The following PDE4B variants were observed in gnomAD, a reference collection of about 807,000 sequenced individuals.
PDE4B encodes the protein 3',5'-cyclic-AMP phosphodiesterase 4B.
A neutral mutation model predicts 82.2 loss-of-function variants in PDE4B; 20 were observed. The observed-to-expected ratio is 0.24, with a 90% CI of 0.17 to 0.35. The LOEUF is 0.35. PDE4B is among the 10% of genes least tolerant of loss of function. The probability of loss-of-function intolerance (pLI) is 1.00; values close to 1 mark genes in which losing one functional copy is unlikely to be tolerated. For synonymous variants in PDE4B, 320 were observed against 318.9 expected, an observed-to-expected ratio of 1.00 and a Z score of -0.04; for missense variants, 655 against 907.2, an observed-to-expected ratio of 0.72 and a Z score of 3.57.
At chr1:66,138,587 A>G (rs1347527188) in intron 3 of PDE4B, among the ~76,000 whole-genome samples, 1 of 152,194 alleles carries the variant, frequency 6.6e-6, no homozygotes, top group Non-Finnish European at 1.5e-5. Context: ...ATGACTAGGC[A>G]TTTAGAGATA....
intron 8 of PDE4B, chr1:66,355,073 C>G (rs1374811221): frequency 1.9e-6 from 1 of 535,086 alleles, no homozygotes; most frequent in African/African-American, 1.9e-5. Context: ...GTGTACTATG[C>G]TGTGTTTTAA....
At chr1:66,358,422 C>T (rs1662444386) in intron 9 of PDE4B, among the ~76,000 whole-genome samples, 1 of 152,144 alleles carries the variant, frequency 6.6e-6, no homozygotes, top group Admixed American at 6.5e-5. Flanking sequence ...TGCCTGTAAT[C>T]CCAGCACGTT....
intron 16 of PDE4B, among the ~76,000 whole-genome samples, chr1:66,370,532 C>T (rs968782316): frequency 2.6e-5 from 4 of 152,138 alleles, no homozygotes; most frequent in African/African-American, 9.7e-5. Flanking sequence ...ACAGGTCTTC[C>T]TGTTGCCATG....
At chr1:65,867,974 C>CAGTTAAT (rs1333387712) in intron 1 of PDE4B, among the ~76,000 whole-genome samples, 1 of 152,206 alleles carries the variant, frequency 6.6e-6, no homozygotes, top group Admixed American at 6.5e-5. Context: ...AGTTAATAGA[C>CAGTTAAT]ATTTAATGAG....
intron 3 of PDE4B, among the ~76,000 whole-genome samples, chr1:66,177,033 C>G (rs1026687188): frequency 6.6e-6 from 1 of 152,166 alleles, no homozygotes; most frequent in East Asian, 1.9e-4. Context: ...AAGGGCTATG[C>G]ATAAAGCTGC....
At chr1:66,080,055 C>T (rs1480847400) in intron 3 of PDE4B, among the ~76,000 whole-genome samples, 2 of 152,090 alleles carry the variant, frequency 1.3e-5, no homozygotes, top group African/African-American at 4.8e-5. Context: ...TCCTGAAAAA[C>T]CCTAGGTCTC....
intron 1 of PDE4B, among the ~76,000 whole-genome samples, chr1:65,899,417 T>G (rs1010627625): frequency 6.6e-6 from 1 of 151,930 alleles, no homozygotes; most frequent in African/African-American, 2.4e-5. Context: ...GTGTGGAGAT[T>G]CCTTAAAGAA....
At chr1:66,026,258 A>C (rs1009990390) in intron 3 of PDE4B, among the ~76,000 whole-genome samples, 1 of 152,150 alleles carries the variant, frequency 6.6e-6, no homozygotes, top group African/African-American at 2.4e-5. Context: ...GCTTTGACCC[A>C]CCCTGGCTTT....
At chr1:65,958,258 A>G (rs1649359959) in intron 3 of PDE4B, among the ~76,000 whole-genome samples, 1 of 152,010 alleles carries the variant, frequency 6.6e-6, no homozygotes, top group Non-Finnish European at 1.5e-5. Flanking sequence ...TAAAAAATTT[A>G]TTGATATGGT....
intron 3 of PDE4B, among the ~76,000 whole-genome samples, chr1:66,116,762 GC>G (rs1437878188): frequency 6.6e-6 from 1 of 152,186 alleles, no homozygotes. Flanking sequence ...ATGGGGTTTT[GC>G]CATGTTGCCC....
chr1:65,803,537 G>A (rs1645719886), intron 1 of PDE4B, among the ~76,000 whole-genome samples: 1 of 152,158 alleles, frequency 6.6e-6, no homozygotes, highest in Admixed American at 6.5e-5. Flanking sequence ...ACCTCACTGT[G>A]AGGGGAAGAG....
chr1:66,188,845 G>A (rs1396438603), intron 3 of PDE4B, among the ~76,000 whole-genome samples: 4 of 152,254 alleles, frequency 2.6e-5, no homozygotes, highest in Non-Finnish European at 2.9e-5. Context: ...TTTAAGGTTA[G>A]TATTGTTATG....
At chr1:66,288,796 C>A (rs909911719) in intron 7 of PDE4B, among the ~76,000 whole-genome samples, 2 of 152,078 alleles carry the variant, frequency 1.3e-5, no homozygotes, top group Non-Finnish European at 2.9e-5. Flanking sequence ...ATATAATCTG[C>A]AAAAGCTGGA....
chr1:66,194,987 A>G (rs1330487388), intron 3 of PDE4B, among the ~76,000 whole-genome samples: 1 of 152,168 alleles, frequency 6.6e-6, no homozygotes, highest in Non-Finnish European at 1.5e-5. Flanking sequence ...TAAAAGAGTG[A>G]TGATTAGTAA....
At chr1:66,028,450 A>T (rs1653575556) in intron 3 of PDE4B, among the ~76,000 whole-genome samples, 1 of 152,160 alleles carries the variant, frequency 6.6e-6, no homozygotes, top group African/African-American at 2.4e-5. Flanking sequence ...TGGCCTGGAG[A>T]CATTTTCTCC....
chr1:65,801,221 A>T (rs1645691350), intron 1 of PDE4B, among the ~76,000 whole-genome samples: 1 of 152,180 alleles, frequency 6.6e-6, no homozygotes, highest in Non-Finnish European at 1.5e-5. Flanking sequence ...AGGATGATGA[A>T]GTGGCAAAAC....
chr1:66,025,091 A>G (rs112507850), intron 3 of PDE4B, among the ~76,000 whole-genome samples: 3,201 of 152,132 alleles, frequency 0.021, 115 homozygotes, highest in African/African-American at 0.073. Flanking sequence ...TTTCTAGAAA[A>G]CCAGCATTTT....
chr1:65,867,062 A>G (rs1020284487), intron 1 of PDE4B, among the ~76,000 whole-genome samples: 3 of 152,210 alleles, frequency 2.0e-5, no homozygotes, highest in African/African-American at 7.2e-5. Context: ...AAAGGAGGAT[A>G]TAAAATGAGG....
intron 2 of PDE4B, among the ~76,000 whole-genome samples, chr1:65,917,286 T>A (rs1569670946): frequency 1.3e-5 from 2 of 152,114 alleles, no homozygotes; most frequent in Non-Finnish European, 2.9e-5. Flanking sequence ...GAGCGGAGGG[T>A]AAAGAACTTT....
Sources: allele counts gnomAD v4.1 joint callset (sites outside exome capture counted in the v4.1 genomes callset), GRCh38; gene constraint gnomAD v4.1.1; transcripts MANE v1.5; gene names NCBI Gene and HGNC (gene_info 2026-07-23, HGNC 2026-07-21).